Variants in NAT1 observed in about 807,000 individuals in gnomAD.
NAT1 encodes arylamine N-acetyltransferase 1.
For synonymous variants in NAT1, 144 were observed against 122.6 expected (o/e 1.17, Z -1.16); for missense variants, 400 against 339.2 (o/e 1.18, Z -1.41).
At chr8:18,181,561 TTCTC>T (rs1350952815) in intron 2 of NAT1, among the ~76,000 whole-genome samples, 5 of 152,202 alleles carry the variant, frequency 3.3e-5, no homozygotes, top group African/African-American at 1.2e-4. Flanking sequence ...CTTTATTTCT[TTCTC>T]TTGTCTGATT....
At chr8:18,180,973 C>T (rs1049749632) in intron 2 of NAT1, among the ~76,000 whole-genome samples, 2 of 151,974 alleles carry the variant, frequency 1.3e-5, no homozygotes, top group Admixed American at 6.6e-5. Flanking sequence ...GTCTGGATTG[C>T]TTTAGCTATT....
upstream of NAT1, among the ~76,000 whole-genome samples, chr8:18,207,390 GT>G (rs28741078): frequency 4.4e-3 from 674 of 151,480 alleles, 8 homozygotes; most frequent in African/African-American, 0.015. Flanking sequence ...TTTTAAAATA[GT>G]TTTTTTTTCT....
At chr8:18,191,770 A>G (rs1803001637) in intron 2 of NAT1, among the ~76,000 whole-genome samples, 1 of 151,920 alleles carries the variant, frequency 6.6e-6, no homozygotes, top group South Asian at 2.1e-4. Flanking sequence ...TGGTGCTGGG[A>G]AAACTGGCTA....
chr8:18,182,136 T>G (rs1332188152), intron 2 of NAT1, among the ~76,000 whole-genome samples: 1 of 152,200 alleles, frequency 6.6e-6, no homozygotes, highest in Admixed American at 6.5e-5. Flanking sequence ...CTTCTTGTTA[T>G]TATGCTAAAA....
intron 2 of NAT1, among the ~76,000 whole-genome samples, chr8:18,187,840 GC>G (rs899826197): frequency 2.6e-5 from 4 of 151,506 alleles, no homozygotes; most frequent in Non-Finnish European, 5.9e-5. Flanking sequence ...CTGCGCATAT[GC>G]CCCGGAACCT....
At chr8:18,193,336 C>G (rs1453248957) in intron 2 of NAT1, among the ~76,000 whole-genome samples, 1 of 150,304 alleles carries the variant, frequency 6.7e-6, no homozygotes. Flanking sequence ...ACACCTCGAC[C>G]TCCTGTAGCT....
At chr8:18,207,837 T>G (rs1369703204), upstream of NAT1, among the ~76,000 whole-genome samples, 1 of 152,218 alleles carries the variant, frequency 6.6e-6, no homozygotes, top group Non-Finnish European at 1.5e-5. Flanking sequence ...GAAGCACTAT[T>G]CACAATAGCA....
intron 2 of NAT1, among the ~76,000 whole-genome samples, chr8:18,202,423 G>A (rs1398234768): frequency 1.3e-5 from 2 of 152,182 alleles, no homozygotes; most frequent in African/African-American, 2.4e-5. Flanking sequence ...TATTGTGTCC[G>A]GAATTTATTC....
intron 2 of NAT1, among the ~76,000 whole-genome samples, chr8:18,185,438 T>C (rs1188020723): frequency 6.6e-6 from 1 of 152,188 alleles, no homozygotes; most frequent in Admixed American, 6.5e-5. Context: ...ATTGCCATAA[T>C]ACTGGTCATA....
intron 2 of NAT1, among the ~76,000 whole-genome samples, chr8:18,197,768 C>G (rs547684961): frequency 6.6e-6 from 1 of 152,104 alleles, no homozygotes; most frequent in Admixed American, 6.5e-5. Context: ...CTAGATTAAT[C>G]ATGGTAATCC....
Position 18,223,007 on chromosome 8 carries a change from C to T in NAT1, c.*87C>T, listed in dbSNP as rs1173942299. ...CTATCATGTATCTTCTGTACCCTTA[C>T]CTTATTTTGAAGAAAATCCTAGACA... On this transcript the variant is annotated 3_prime_UTR_variant, in exon 3 of 3. Coordinates refer to ENST00000307719, the MANE Select transcript of NAT1 (RefSeq NM_000662.8). The T allele has an allele frequency of 3.7e-6, 4 of 1,092,352 alleles. No individual in the cohort carries two copies. The highest frequency in any genetic ancestry group is 4.8e-6 in the Non-Finnish European group (4 of 826,042). The allele number at this position is 1,092,352 out of a possible 1,614,324, so 67.7% of individuals were successfully genotyped here.
At chr8:18,219,205 G>A (rs927043878) in intron 1 of NAT1, among the ~76,000 whole-genome samples, 1 of 152,050 alleles carries the variant, frequency 6.6e-6, no homozygotes, top group African/African-American at 2.4e-5. Context: ...AAGCCAGAAG[G>A]CTGTACCCCA....
chr8:18,222,329 C>T lies in NAT1; in HGVS notation c.282C>T (p.Tyr94=). 1 of 1,614,098 alleles carries T rather than the reference C, an allele frequency of 6.2e-7. No individual in the cohort carries two copies. Among genetic ancestry groups the T allele is most frequent in the Non-Finnish European group, 8.5e-7 (1 of 1,180,018 alleles). Residue 94 remains tyrosine (Y), a synonymous_variant, in exon 3 of 3, where the codon TAC becomes TAT. Transcript: ENST00000307719. ...FETTMLGGYV[Y]STPAKKYSTG... is the part of the protein sequence containing the mutation. ...CCACGATGTTGGGAGGGTATGTTTA[C>T]AGCACTCCAGCCAAAAAATACAGCA...
intron 2 of NAT1, among the ~76,000 whole-genome samples, chr8:18,196,874 A>G (rs982943518): frequency 3.9e-5 from 6 of 152,218 alleles, no homozygotes; most frequent in Non-Finnish European, 8.8e-5. Flanking sequence ...CACAAGCACT[A>G]TCATCAATTT....
At chr8:18,195,392 T>G in intron 2 of NAT1, among the ~76,000 whole-genome samples, 1 of 152,156 alleles carries the variant, frequency 6.6e-6, no homozygotes, top group Middle Eastern at 3.2e-3. Flanking sequence ...GACTGTAATT[T>G]ACCTGGTAAT....
At chr8:18,215,216 G>A (rs1250252731) in intron 1 of NAT1, among the ~76,000 whole-genome samples, 1 of 152,138 alleles carries the variant, frequency 6.6e-6, no homozygotes, top group Non-Finnish European at 1.5e-5. Flanking sequence ...GTCATTGATG[G>A]GTATTCAGGT....
At chr8:18,183,421 G>A (rs941770389) in intron 2 of NAT1, among the ~76,000 whole-genome samples, 2 of 152,068 alleles carry the variant, frequency 1.3e-5, no homozygotes, top group Admixed American at 6.6e-5. Flanking sequence ...CAATAGTCCC[G>A]GTAAGTCCAA....
chr8:18,173,863 TCAAA>T (rs1670759596), intron 2 of NAT1, among the ~76,000 whole-genome samples: 1 of 152,142 alleles, frequency 6.6e-6, no homozygotes, highest in African/African-American at 2.4e-5. Flanking sequence ...ATTTTAAAAA[TCAAA>T]CAATATGCAC....
chr8:18,210,137 G>A lies in NAT1; in HGVS notation c.-129G>A, dbSNP rs765157608. 6.6e-6 allele frequency: 1 copy of A among 152,206 alleles called. No individual in the cohort carries two copies. Among genetic ancestry groups the A allele is most frequent in the Non-Finnish European group, 1.5e-5 (1 of 68,074 alleles). 9.4% of individuals were successfully genotyped at this position (152,206 alleles called of 1,614,324 possible). ...TCCTCATAGACCTTGGATGTGGGAG[G>A]ATTGCATTCAGTCTAGTTCCTGGTT... On this transcript the variant is annotated 5_prime_UTR_variant, in exon 1 of 3. Transcript: ENST00000307719.
Sources: gnomAD v4.1 joint callset for allele counts (sites outside exome capture counted in the v4.1 genomes callset) on GRCh38, gnomAD v4.1.1 for gene constraint, MANE v1.5 for transcripts, NCBI Gene and HGNC (gene_info 2026-07-23, HGNC 2026-07-21) for gene names.